THSD4: variants seen among roughly 807,000 people sequenced by gnomAD.
THSD4 encodes the protein thrombospondin type-1 domain-containing protein 4.
A neutral mutation model predicts 119.0 loss-of-function variants in THSD4; 69 were observed. That is an observed-to-expected ratio of 0.58 (90% CI 0.48 to 0.71). THSD4 has a LOEUF of 0.71. Ranked by LOEUF, THSD4 falls within the 30% of genes least tolerant of loss-of-function variation. The pLI, the probability that THSD4 is intolerant of heterozygous loss-of-function variation, is 0.00. For missense variants in THSD4, 1,393 were observed against 1,391.1 expected (o/e 1.00, Z -0.02); for synonymous variants, 524 against 540.4 (o/e 0.97, Z 0.42).
intron 6 of THSD4, among the ~76,000 whole-genome samples, chr15:71,339,373 C>G (rs2045532925): frequency 6.6e-6 from 1 of 152,092 alleles, no homozygotes. Context: ...TTTGCCGACC[C>G]TCTCAGATAT....
intron 7 of THSD4, among the ~76,000 whole-genome samples, chr15:71,655,352 T>C (rs1188132886): frequency 6.6e-6 from 1 of 152,186 alleles, no homozygotes; most frequent in Non-Finnish European, 1.5e-5. Flanking sequence ...TGTTTTGTTT[T>C]TTGCACTTCA....
At chr15:71,744,653 T>C (rs910187869) in intron 11 of THSD4, among the ~76,000 whole-genome samples, 1 of 152,192 alleles carries the variant, frequency 6.6e-6, no homozygotes, top group African/African-American at 2.4e-5. Context: ...TGCACATATC[T>C]ACCCAAACCC....
chr15:71,480,371 G>C (rs148926191), intron 7 of THSD4, among the ~76,000 whole-genome samples: 2 of 152,132 alleles, frequency 1.3e-5, no homozygotes, highest in Non-Finnish European at 2.9e-5. Context: ...CATATCCCAT[G>C]TATATATAAA....
At chr15:71,126,877 G>A (rs1364014519) in intron 1 of THSD4, among the ~76,000 whole-genome samples, 1 of 152,220 alleles carries the variant, frequency 6.6e-6, no homozygotes, top group Non-Finnish European at 1.5e-5. Flanking sequence ...TGAATACAAT[G>A]TGGAATAATG....
At chr15:71,257,810 ATGACCTCAAAATTGTTAAGAACTAACT>A (rs1437850752) in intron 6 of THSD4, among the ~76,000 whole-genome samples, 2 of 152,110 alleles carry the variant, frequency 1.3e-5, no homozygotes, top group East Asian at 3.9e-4. Context: ...GAGTGGTCCC[ATGACCTCAAAATTGTTAAGAACTAACT>A]TGACTGAAAA....
chr15:71,654,508 G>A (rs1566569), intron 7 of THSD4, among the ~76,000 whole-genome samples: 39,685 of 152,058 alleles, frequency 0.26, 5,977 homozygotes, highest in East Asian at 0.7. Flanking sequence ...CTTATTTCCT[G>A]GCATAAATTC....
chr15:71,122,805 T>C (rs1446842723), intron 1 of THSD4, among the ~76,000 whole-genome samples: 1 of 152,230 alleles, frequency 6.6e-6, no homozygotes, highest in Non-Finnish European at 1.5e-5. Flanking sequence ...AAATTGGCAC[T>C]ACCAACGTGA....
chr15:71,545,075 A>C (rs910260392), intron 7 of THSD4, among the ~76,000 whole-genome samples: 1 of 152,246 alleles, frequency 6.6e-6, no homozygotes, highest in African/African-American at 2.4e-5. Context: ...AAAGTTCTAG[A>C]AATGAATAGT....
chr15:71,456,921 G>A (rs2047348038), intron 7 of THSD4, among the ~76,000 whole-genome samples: 1 of 152,148 alleles, frequency 6.6e-6, no homozygotes. Flanking sequence ...ATATCTTAGG[G>A]CCATGGATGG....
At chr15:71,741,033 GT>G (rs758528286) in intron 11 of THSD4, among the ~76,000 whole-genome samples, 1 of 152,108 alleles carries the variant, frequency 6.6e-6, no homozygotes, top group African/African-American at 2.4e-5. Flanking sequence ...TTTTGAATAA[GT>G]GACTATATCA....
intron 3 of THSD4, chr15:71,165,018 T>G: frequency 6.3e-7 from 1 of 1,585,484 alleles, no homozygotes. Flanking sequence ...GCAGTGTTAT[T>G]CCACATCTCT....
chr15:71,320,847 C>G (rs2045257284), intron 6 of THSD4, among the ~76,000 whole-genome samples: 1 of 151,988 alleles, frequency 6.6e-6, no homozygotes, highest in African/African-American at 2.4e-5. Context: ...CTAGTTATGT[C>G]TTTAACAGTT....
chr15:71,466,475 A>G (rs2047502066), intron 7 of THSD4, among the ~76,000 whole-genome samples: 1 of 152,096 alleles, frequency 6.6e-6, no homozygotes, highest in South Asian at 2.1e-4. Flanking sequence ...TCCAGAGAGG[A>G]CATGCTCCAA....
chr15:71,494,089 G>A (rs926050751), intron 7 of THSD4, among the ~76,000 whole-genome samples: 2 of 152,122 alleles, frequency 1.3e-5, no homozygotes, highest in East Asian at 1.9e-4. Context: ...AAGATTGTGA[G>A]GGCCAATTTT....
At chr15:71,679,514 T>G (rs879918535) in intron 8 of THSD4, among the ~76,000 whole-genome samples, 4 of 152,178 alleles carry the variant, frequency 2.6e-5, no homozygotes, top group Non-Finnish European at 5.9e-5. Flanking sequence ...CACCCTTGTT[T>G]TGGTGGATGG....
In THSD4 at chr15:71,666,087, T is replaced by C. The variant is rs1257171930; in HGVS notation, c.1357+5353T>C. ...GAATAACATTGAATCTGTAAATTGC[T>C]TTGGGCAGTATAGCCATTTTAATGA... On this transcript the variant is annotated intron_variant, in intron 8 of 17. Coordinates refer to ENST00000261862, the MANE Select transcript of THSD4 (RefSeq NM_024817.3). Among the ~76,000 whole-genome samples the C allele has an allele frequency of 3.3e-5, 5 of 152,200 alleles. No homozygotes were observed. In the East Asian group the frequency reaches 9.6e-4, roughly 29 times the overall value.
intron 2 of THSD4, among the ~76,000 whole-genome samples, chr15:71,147,968 CAAAAAAAAA>C (rs57726176): frequency 3.1e-5 from 1 of 32,144 alleles, no homozygotes; most frequent in African/African-American, 7.6e-5. Context: ...GACTCTGTCT[CAAAAAAAAA>C]AAAAAAAAAA....
chr15:71,112,121 A>G, upstream of THSD4: 2 of 1,613,544 alleles, frequency 1.2e-6, no homozygotes, highest in South Asian at 2.2e-5. Context: ...TGAGCCATTC[A>G]TTCCTCAGAG....
intron 1 of THSD4, among the ~76,000 whole-genome samples, chr15:71,128,188 T>C (rs1160984211): frequency 6.6e-6 from 1 of 150,802 alleles, no homozygotes; most frequent in Non-Finnish European, 1.5e-5. Flanking sequence ...TTACCCAACC[T>C]GAGCAACAGA....
Sources: allele counts gnomAD v4.1 joint callset (sites outside exome capture counted in the v4.1 genomes callset), GRCh38; gene constraint gnomAD v4.1.1; transcripts MANE v1.5; gene names NCBI Gene and HGNC (gene_info 2026-07-23, HGNC 2026-07-21).